ZNF266: variants seen among roughly 807,000 people sequenced by gnomAD.
The protein encoded by ZNF266 is zinc finger protein 1.
In ZNF266, 16 loss-of-function variants were observed where a neutral mutation model predicts 16.4. The observed-to-expected ratio is 0.98, with a 90% CI of 0.66 to 1.48. The LOEUF (loss-of-function observed/expected upper bound fraction) is 1.48, where lower values mean the gene tolerates loss of function less well. Among genes scored for constraint, ZNF266 ranks in the 40% most tolerant of loss-of-function variants. The pLI is 0.00. For synonymous variants in ZNF266, 262 were observed against 237.9 expected, an observed-to-expected ratio of 1.10 and a Z score of -0.93; for missense variants, 738 against 689.1, an observed-to-expected ratio of 1.07 and a Z score of -0.79.
intron 10 of ZNF266, among the ~76,000 whole-genome samples, 193 bp from the exon 11 acceptor site, chr19:9,414,913 C>A (rs183292396): frequency 6.6e-6 from 1 of 152,218 alleles, no homozygotes; most frequent in East Asian, 1.9e-4. Context: ...GCCATCTACT[C>A]TAATCTCAAA....
rs2068702665 is a variant in ZNF266, at chr19:9,414,591, C to T, written c.535G>A (p.Gly179Arg). 1.2e-6 allele frequency: 2 copies of T among 1,613,318 alleles called. No homozygotes were observed. Among genetic ancestry groups the T allele is most frequent in the Admixed American group, 3.3e-5 (2 of 59,984 alleles). The change falls in exon 11 of 11, where the codon GGA becomes AGA. Residue 179 changes from glycine (G) to arginine (R), a missense_variant. By Grantham distance (125) the Gly-to-Arg change is moderately radical. Coordinates refer to ENST00000592904, the MANE Select transcript of ZNF266 (RefSeq NM_001370374.1). ...TTGTGCAGAGTAAGGAAGTCTACTC[C>T]ATACAGATAACACTCAAATGTGTTC... ...SENTFECYLY[G>R]VDFLTLHKKT... is the part of the protein sequence containing the mutation.
At chr19:9,426,473 C>A (rs1269627526) in intron 5 of ZNF266, among the ~76,000 whole-genome samples, 1 of 136,062 alleles carries the variant, frequency 7.3e-6, no homozygotes, top group African/African-American at 2.8e-5. Context: ...ACCCTTCAGG[C>A]AGTTAAAAGT....
chr19:9,415,783 G>C (rs1438063514), intron 9 of ZNF266, 41 bp from the exon 10 acceptor site: 1 of 1,533,818 alleles, frequency 6.5e-7, no homozygotes, highest in South Asian at 1.1e-5. Flanking sequence ...AGACATACAG[G>C]GTAGACAGAT....
At chr19:9,423,207 A>G (rs529712109) in intron 5 of ZNF266, among the ~76,000 whole-genome samples, 13 of 152,244 alleles carry the variant, frequency 8.5e-5, no homozygotes, top group African/African-American at 2.9e-4. Context: ...TCCTGAAAGC[A>G]GAAATCAACA....
rs768935984 is a variant in ZNF266, at chr19:9,414,599, T to C, written c.527A>G (p.Tyr176Cys). The change falls in exon 11 of 11, where the codon TAT becomes TGT. Residue 176 changes from tyrosine (Y) to cysteine (C), a missense_variant. Coordinates refer to ENST00000592904, the MANE Select transcript of ZNF266 (RefSeq NM_001370374.1). ...AGTAAGGAAGTCTACTCCATACAGA[T>C]AACACTCAAATGTGTTCTCACTATT... ...TQNSENTFECYLYGVDFLTLH... is the reference protein window; with the variant it reads ...TQNSENTFECCLYGVDFLTLH... 5.0e-6 allele frequency: 8 copies of C among 1,613,052 alleles called. No homozygotes were observed. The highest frequency in any genetic ancestry group is 1.7e-5 in the Admixed American group (1 of 59,982).
intron 7 of ZNF266, chr19:9,418,891 A>T: frequency 3.5e-6 from 1 of 283,542 alleles, no homozygotes; most frequent in Non-Finnish European, 6.7e-6. Flanking sequence ...GATGCTAGAT[A>T]AACACTGATG....
At chr19:9,425,036 C>A (rs1442773873) in intron 5 of ZNF266, among the ~76,000 whole-genome samples, 1 of 152,192 alleles carries the variant, frequency 6.6e-6, no homozygotes. Flanking sequence ...ACTTCCCCTG[C>A]CTGTGTAGCT....
At position 9,414,148 on chromosome 19, in the gene ZNF266, T is replaced by C; in HGVS notation, c.978A>G (p.Arg326=). 1 of 1,613,942 alleles carries C rather than the reference T, an allele frequency of 6.2e-7. No individual in the cohort carries two copies. Among genetic ancestry groups the C allele is most frequent in the Non-Finnish European group, 8.5e-7 (1 of 1,179,904 alleles). ...AAGGTTTCTCTCCAGTGTGAGTTTT[T>C]CTGTGCTGAGTAAGTTGACAAGACC... ...FTRSCQLTQH[R]KTHTGEKPYK... The change falls in exon 11 of 11, where the codon AGA becomes AGG. Residue 326 remains arginine, a synonymous_variant. Transcript: ENST00000592904.
Position 9,413,937 on chromosome 19 carries a change from C to T in ZNF266, c.1189G>A (p.Gly397Arg). Residue 397 changes from glycine (G) to arginine (R), a missense_variant, in exon 11 of 11, where the codon GGA becomes AGA. By Grantham distance (125) the Gly-to-Arg change is moderately radical. Coordinates refer to ENST00000592904, the MANE Select transcript of ZNF266 (RefSeq NM_001370374.1). Reference sequence around the variant, plus strand: ...CATGAGGAATTTCTAAAGGATTTTCCACATATCTTACATTCAAAGGGATCC... The same window carrying T: ...CATGAGGAATTTCTAAAGGATTTTCTACATATCTTACATTCAAAGGGATCC... ...AKDPFECKIC[G>R]KSFRNSSCLS... The T allele has an allele frequency of 6.2e-7, 1 of 1,614,064 alleles. No individual in the cohort carries two copies. The highest frequency in any genetic ancestry group is 1.1e-5 in the South Asian group (1 of 91,076).
chr19:9,418,427 T>C, intron 8 of ZNF266, 78 bp downstream of exon 8: 1 of 1,445,202 alleles, frequency 6.9e-7, no homozygotes, highest in Non-Finnish European at 9.7e-7. Context: ...TCAGAGTTGC[T>C]ATCTCTGATG....
intron 3 of ZNF266, 60 bp downstream of exon 3, chr19:9,434,738 C>T (rs4804105): frequency 0.62 from 93,712 of 152,090 alleles, 29,603 homozygotes; most frequent in African/African-American, 0.75. Context: ...TCTTTATCCA[C>T]AGGACACGTA....
intron 7 of ZNF266, 96 bp from the exon 8 acceptor site, chr19:9,418,727 G>T: frequency 1.5e-6 from 1 of 645,346 alleles, no homozygotes; most frequent in Non-Finnish European, 2.8e-6. Flanking sequence ...GGCTCACATT[G>T]CCCACCCCAG....
In ZNF266 at chr19:9,413,531, G is replaced by T. The variant is rs150924954; in HGVS notation, c.1595C>A (p.Thr532Lys). Reference sequence around the variant, plus strand: ...AAAAGCTTTGCCACATTCCATACACGTGAATGGTTTTTTGGCGCTGTGGGT... The same window carrying T: ...AAAAGCTTTGCCACATTCCATACACTTGAATGGTTTTTTGGCGCTGTGGGT... ...MRTHSAKKPFTCMECGKAFKF... is the reference protein window; with the variant it reads ...MRTHSAKKPFKCMECGKAFKF... Residue 532 changes from threonine (T) to lysine (K), a missense_variant, in exon 11 of 11, where the codon ACG (threonine) becomes AAG (lysine). Physicochemically the swap from Thr to Lys is moderately conservative, Grantham distance 78. Transcript: ENST00000592904. The T allele has an allele frequency of 6.2e-7, 1 of 1,613,268 alleles. No individual in the cohort carries two copies. Among genetic ancestry groups the T allele is most frequent in the Admixed American group, 1.7e-5 (1 of 59,986 alleles).
intron 9 of ZNF266, among the ~76,000 whole-genome samples, chr19:9,416,857 G>A (rs969988347): frequency 3.3e-5 from 5 of 150,828 alleles, no homozygotes; most frequent in East Asian, 2.0e-4. Flanking sequence ...TTTTTGTAGC[G>A]ATGGGGTTTC....
At chr19:9,422,887 G>A (rs1204100497) in intron 5 of ZNF266, among the ~76,000 whole-genome samples, 1 of 152,158 alleles carries the variant, frequency 6.6e-6, no homozygotes, top group African/African-American at 2.4e-5. Flanking sequence ...TGGCTTGGCT[G>A]GATGGTCAAA....
Position 9,413,130 on chromosome 19 carries a change from G to T in ZNF266, c.*145C>A. On this transcript the variant is annotated 3_prime_UTR_variant, in exon 11 of 11. Coordinates refer to ENST00000592904, the MANE Select transcript of ZNF266 (RefSeq NM_001370374.1). Reference sequence around the variant, plus strand: ...TCATTTCCACATTCCCTGATGCAGGGTCTTCTCCACTGTGAATTCATATGT... The same window carrying T: ...TCATTTCCACATTCCCTGATGCAGGTTCTTCTCCACTGTGAATTCATATGT... 1 of 977,550 alleles carries T rather than the reference G, an allele frequency of 1.0e-6. No individual in the cohort carries two copies. The highest frequency in any genetic ancestry group is 1.5e-6 in the Non-Finnish European group (1 of 678,618). The allele number at this position is 977,550 out of a possible 1,614,324, so 60.6% of individuals were successfully genotyped here.
chr19:9,428,470 G>A (rs1229419083), intron 5 of ZNF266, among the ~76,000 whole-genome samples: 1 of 152,214 alleles, frequency 6.6e-6, no homozygotes, highest in East Asian at 1.9e-4. Context: ...ACTAATGGGA[G>A]TTCATAGACT....
At chr19:9,433,232 G>T (rs1283352380) in intron 5 of ZNF266, among the ~76,000 whole-genome samples, 3 of 152,140 alleles carry the variant, frequency 2.0e-5, no homozygotes, top group African/African-American at 7.2e-5. Context: ...ATTATTCTAA[G>T]ATCTGTTGTA....
Position 9,414,267 on chromosome 19 carries a change from CT to C in ZNF266, c.858del (p.Gly287AspfsTer64), listed in dbSNP as rs1420875389. 1 of 1,614,146 alleles carries C rather than the reference CT, an allele frequency of 6.2e-7. No individual in the cohort carries two copies. The highest frequency in any genetic ancestry group is 1.6e-4 in the Middle Eastern group (1 of 6,062). The part of the protein sequence containing the change: ...EKPYKCKECG[K>X]GFRYSAYLNI... ...TTAAGGTATGCAGAATATCTAAATC[CT>C]TTTCCACATTCCTTACATTTGTAGG... On this transcript the variant is annotated frameshift_variant, in exon 11 of 11. Transcript: ENST00000592904. LOFTEE classifies it low-confidence loss of function (END_TRUNC).
Sources: gnomAD v4.1 joint callset for allele counts (sites outside exome capture counted in the v4.1 genomes callset) on GRCh38, gnomAD v4.1.1 for gene constraint, MANE v1.5 for transcripts, NCBI Gene and HGNC (gene_info 2026-07-23, HGNC 2026-07-21) for gene names.